The following SFXN5 variants were observed in gnomAD, a reference collection of about 807,000 sequenced individuals.
The protein encoded by SFXN5 is sideroflexin 5.
A neutral mutation model predicts 50.2 loss-of-function variants in SFXN5; 43 were observed. The ratio of observed to expected loss-of-function variants is 0.86; its 90% confidence interval spans 0.67 to 1.11. The LOEUF is 1.11. Among genes scored for constraint, SFXN5 ranks in the 50% least tolerant of loss-of-function variants. The pLI is 0.00. For missense variants in SFXN5, 463 were observed against 454.1 expected (o/e 1.02, Z -0.18); for synonymous variants, 203 against 185.8 (o/e 1.09, Z -0.75).
chr2:72,984,838 G>A (rs1357944885), intron 10 of SFXN5, among the ~76,000 whole-genome samples: 1 of 152,092 alleles, frequency 6.6e-6, no homozygotes, highest in Non-Finnish European at 1.5e-5. Context: ...TTGGTGTGGG[G>A]TCCAGGTGCG....
intron 2 of SFXN5, chr2:73,053,643 A>C (rs903803609): frequency 1.3e-5 from 2 of 152,202 alleles, no homozygotes; most frequent in Non-Finnish European, 2.9e-5. Flanking sequence ...TATAAACTAC[A>C]AAGAAGTACC....
rs1672765452 is a variant in SFXN5, at chr2:72,953,569, G to A, written c.945+7562C>T. Among the ~76,000 whole-genome samples, 1 of 152,198 alleles carries A rather than the reference G, an allele frequency of 6.6e-6. No individual in the cohort carries two copies. Among genetic ancestry groups the A allele is most frequent in the South Asian group, 2.1e-4 (1 of 4,832 alleles). ...TACTAGGTGTTGATAAAGGGCACCA[G>A]TTCTCTGCCACAGGGACACCTTGTG... is the stretch of plus-strand genomic sequence containing the variant. On this transcript the variant is annotated intron_variant, in intron 13 of 13. Coordinates refer to ENST00000272433, the MANE Select transcript of SFXN5 (RefSeq NM_144579.3). The surrounding 1 kb of genome is among the most constrained non-coding windows in gnomAD (Gnocchi z 4.1).
chr2:73,055,720 C>T (rs545942435), intron 2 of SFXN5, among the ~76,000 whole-genome samples: 1 of 152,044 alleles, frequency 6.6e-6, no homozygotes, highest in South Asian at 2.1e-4. Flanking sequence ...AAGTTCACGC[C>T]ATTCTCCTGC....
intron 10 of SFXN5, among the ~76,000 whole-genome samples, chr2:72,979,611 G>A (rs1671054257): frequency 6.6e-6 from 1 of 152,188 alleles, no homozygotes; most frequent in Admixed American, 6.5e-5. Flanking sequence ...TCCAGCCTGG[G>A]TGACAGAGCA....
At chr2:72,952,590 C>T (rs1672655674) in intron 13 of SFXN5, among the ~76,000 whole-genome samples, 1 of 152,202 alleles carries the variant, frequency 6.6e-6, no homozygotes, top group African/African-American at 2.4e-5. Flanking sequence ...AGTGCTCAGA[C>T]CACACCCCGC....
At chr2:73,052,016 AT>A (rs771499675) in intron 2 of SFXN5, among the ~76,000 whole-genome samples, 25 of 150,418 alleles carry the variant, frequency 1.7e-4, no homozygotes, top group South Asian at 2.1e-4. Context: ...GAACTCACGG[AT>A]TTTTTTTTTA....
intron 3 of SFXN5, among the ~76,000 whole-genome samples, chr2:73,028,308 C>G (rs866662883): frequency 5.3e-5 from 8 of 152,182 alleles, no homozygotes; most frequent in South Asian, 2.1e-4. Flanking sequence ...GCTGGCGGCC[C>G]GGACCCTCAG....
At chr2:73,033,857 T>C (rs1678617617) in intron 3 of SFXN5, among the ~76,000 whole-genome samples, 1 of 152,198 alleles carries the variant, frequency 6.6e-6, no homozygotes, top group African/African-American at 2.4e-5. Flanking sequence ...GAAAACATTT[T>C]TGATTGTCAT....
chr2:72,965,451 C>T (rs1230430483), intron 12 of SFXN5, among the ~76,000 whole-genome samples: 2 of 152,222 alleles, frequency 1.3e-5, no homozygotes, highest in Non-Finnish European at 2.9e-5. Flanking sequence ...AGAAAGCCCT[C>T]TGTCCTCGCG....
At chr2:72,986,457 G>T (rs915268236) in intron 10 of SFXN5, among the ~76,000 whole-genome samples, 1 of 152,128 alleles carries the variant, frequency 6.6e-6, no homozygotes, top group Admixed American at 6.5e-5. Context: ...CCCTGTAGAT[G>T]ACGATCAGGG....
rs1369488442 is a variant in SFXN5 at position 73,050,396 on chromosome 2, A to G, written c.171+8132T>C. ...AGCGCCGCAGCCACAGCGCACGCAC[A>G]CACACACACACACACACACACACAC... is the stretch of plus-strand genomic sequence containing the variant. On this transcript the variant is annotated intron_variant, in intron 2 of 13. Coordinates refer to ENST00000272433, the MANE Select transcript of SFXN5 (RefSeq NM_144579.3). Among the ~76,000 whole-genome samples the G allele has an allele frequency of 3.9e-3, 582 of 148,610 alleles. 4 individuals carry two copies. The highest frequency in any genetic ancestry group is 0.011 in the Middle Eastern group (3 of 284).
At position 73,048,688 on chromosome 2, in the gene SFXN5, T is replaced by C. The variant is rs1167099677; in HGVS notation, c.172-7757A>G. Among the ~76,000 whole-genome samples, 4 of 152,344 alleles carry C rather than the reference T, an allele frequency of 2.6e-5. No homozygotes were observed. The East Asian group carries it at 7.7e-4, about 29-fold the overall frequency. On this transcript the variant is annotated intron_variant, in intron 2 of 13. Coordinates refer to ENST00000272433, the MANE Select transcript of SFXN5 (RefSeq NM_144579.3). ...GGAAGCACACAACGTCAGTTTCTTT[T>C]CAATTGTTAGGGATGCTAAGTTTGG...
intron 13 of SFXN5, among the ~76,000 whole-genome samples, chr2:72,949,294 T>C (rs188052774): frequency 6.6e-6 from 1 of 152,148 alleles, no homozygotes; most frequent in East Asian, 1.9e-4. Context: ...CAGAAGGACT[T>C]TGAGCAGGAG....
intron 13 of SFXN5, among the ~76,000 whole-genome samples, chr2:72,948,376 A>G (rs1672178012): frequency 6.6e-6 from 1 of 152,274 alleles, no homozygotes; most frequent in South Asian, 2.1e-4. Context: ...TCTTTTAAAT[A>G]TAATCAGTAA....
intron 1 of SFXN5, among the ~76,000 whole-genome samples, chr2:73,061,341 T>G (rs1643050109): frequency 6.7e-6 from 1 of 149,506 alleles, no homozygotes; most frequent in South Asian, 2.1e-4. Flanking sequence ...CATACTCTGA[T>G]GTATTAGGAG....
chr2:72,990,321 A>C (rs1010235243), intron 9 of SFXN5, among the ~76,000 whole-genome samples: 1 of 152,182 alleles, frequency 6.6e-6, no homozygotes, highest in African/African-American at 2.4e-5. Flanking sequence ...GCGTGGACAC[A>C]CTTCAGTGGT....
chr2:72,995,754 C>T lies in SFXN5; in HGVS notation c.534+3195G>A, dbSNP rs113940415. On this transcript the variant is annotated intron_variant, in intron 9 of 13. Coordinates refer to ENST00000272433, the MANE Select transcript of SFXN5 (RefSeq NM_144579.3). ...TTGAAACAGAGATCAGTTAATGAGG[C>T]TGTAGGACCTGGGGTTCCAGAGAAC... is the stretch of plus-strand genomic sequence containing the variant. Among the ~76,000 whole-genome samples the T allele has an allele frequency of 2.6e-5, 4 of 152,228 alleles. 1 individual carries two copies. Among genetic ancestry groups the T allele is most frequent in the African/African-American group, 9.6e-5 (4 of 41,536 alleles).
At chr2:73,004,714 A>G (rs1674393630) in intron 6 of SFXN5, among the ~76,000 whole-genome samples, 1 of 152,190 alleles carries the variant, frequency 6.6e-6, no homozygotes, top group Non-Finnish European at 1.5e-5. Flanking sequence ...TTAGGGGGCC[A>G]TGTGAGGCTG....
chr2:72,982,853 G>A (rs1026478344), intron 10 of SFXN5, among the ~76,000 whole-genome samples: 19 of 152,350 alleles, frequency 1.2e-4, no homozygotes, highest in Non-Finnish European at 2.1e-4. Context: ...GGACGGCAGC[G>A]TTCTCCAGGG....
Sources: allele counts gnomAD v4.1 joint callset (sites outside exome capture counted in the v4.1 genomes callset), GRCh38; gene constraint gnomAD v4.1.1; non-coding constraint Gnocchi (gnomAD v3.1); transcripts MANE v1.5; gene names NCBI Gene and HGNC (gene_info 2026-07-23, HGNC 2026-07-21).